The following DNM3 variants were observed in gnomAD, a reference collection of about 807,000 sequenced individuals.
DNM3 encodes dynamin 3.
A neutral mutation model predicts 101.6 loss-of-function variants in DNM3; 47 were observed. The ratio of observed to expected loss-of-function variants is 0.46; its 90% CI spans 0.37 to 0.59. DNM3 has a LOEUF of 0.59. DNM3 is among the 20% of genes least tolerant of loss of function. The probability of loss-of-function intolerance (pLI) is 0.00; values close to 1 mark genes in which losing one functional copy is unlikely to be tolerated. For synonymous variants in DNM3, 385 were observed against 387.9 expected (o/e 0.99, Z 0.09); for missense variants, 849 against 1,085.7 (o/e 0.78, Z 3.06).
chr1:171,852,141 T>G (rs749746351), intron 1 of DNM3, among the ~76,000 whole-genome samples: 1 of 152,232 alleles, frequency 6.6e-6, no homozygotes, highest in African/African-American at 2.4e-5. Context: ...GTACATGTAA[T>G]ACAAATTCAG....
chr1:171,922,449 T>C (rs1488517977), intron 2 of DNM3, among the ~76,000 whole-genome samples: 1 of 152,220 alleles, frequency 6.6e-6, no homozygotes, highest in Non-Finnish European at 1.5e-5. Context: ...TTACTAGTTT[T>C]CCTATCAATT....
chr1:172,234,523 G>T (rs937420070), intron 14 of DNM3, among the ~76,000 whole-genome samples: 9 of 152,064 alleles, frequency 5.9e-5, no homozygotes, highest in African/African-American at 2.2e-4. Flanking sequence ...CACAGAATTG[G>T]AAAAAGCTAC....
intron 7 of DNM3, among the ~76,000 whole-genome samples, chr1:172,039,267 A>G (rs1398231777): frequency 1.3e-5 from 2 of 152,094 alleles, no homozygotes; most frequent in East Asian, 3.9e-4. Flanking sequence ...TCCGAAGATG[A>G]TGTTTGGCAC....
At chr1:172,379,404 C>T (rs1276102483) in intron 18 of DNM3, among the ~76,000 whole-genome samples, 1 of 152,000 alleles carries the variant, frequency 6.6e-6, no homozygotes, top group East Asian at 1.9e-4. Flanking sequence ...TCCCCATTGG[C>T]TGTCTTCTAG....
intron 13 of DNM3, among the ~76,000 whole-genome samples, chr1:172,095,803 T>C (rs1230436320): frequency 6.6e-6 from 1 of 152,252 alleles, no homozygotes; most frequent in African/African-American, 2.4e-5. Context: ...TTGCTTTGTT[T>C]ATGTCTGCCT....
At chr1:172,136,046 C>T (rs2057208597) in intron 14 of DNM3, among the ~76,000 whole-genome samples, 1 of 152,004 alleles carries the variant, frequency 6.6e-6, no homozygotes, top group Admixed American at 6.6e-5. Flanking sequence ...CAGAATAATG[C>T]AACATAGGCG....
At chr1:172,139,090 T>C in intron 14 of DNM3, 1 of 345,396 alleles carries the variant, frequency 2.9e-6, no homozygotes, top group South Asian at 2.2e-5. Flanking sequence ...TTTATACATT[T>C]GTTCCAAATG....
intron 18 of DNM3, among the ~76,000 whole-genome samples, chr1:172,383,269 T>C (rs1230926409): frequency 2.6e-5 from 4 of 152,216 alleles, no homozygotes; most frequent in Non-Finnish European, 5.9e-5. Flanking sequence ...GGGAATCATA[T>C]ACTATACGCC....
At chr1:172,405,544 A>G (rs2070815620) in intron 20 of DNM3, among the ~76,000 whole-genome samples, 1 of 152,092 alleles carries the variant, frequency 6.6e-6, no homozygotes, top group South Asian at 2.1e-4. Context: ...TCACATATTC[A>G]TGAAACGATT....
intron 20 of DNM3, among the ~76,000 whole-genome samples, chr1:172,407,400 A>G (rs550744715): frequency 1.3e-5 from 2 of 152,230 alleles, no homozygotes; most frequent in African/African-American, 4.8e-5. Flanking sequence ...TAAAAATTCA[A>G]AAGCCATCAT....
At chr1:171,970,956 T>C (rs2043948497) in intron 2 of DNM3, among the ~76,000 whole-genome samples, 2 of 152,132 alleles carry the variant, frequency 1.3e-5, no homozygotes, top group Admixed American at 6.5e-5. Context: ...TACCTTTATG[T>C]TGAACATTTA....
chr1:172,024,281 T>TA (rs1221177251), intron 4 of DNM3, among the ~76,000 whole-genome samples: 1 of 152,150 alleles, frequency 6.6e-6, no homozygotes, highest in Non-Finnish European at 1.5e-5. Flanking sequence ...AGAAACCATG[T>TA]AAAAAAACTG....
intron 16 of DNM3, among the ~76,000 whole-genome samples, chr1:172,318,458 C>A (rs1467773961): frequency 6.6e-6 from 1 of 152,214 alleles, no homozygotes; most frequent in Non-Finnish European, 1.5e-5. Flanking sequence ...TCCCTGTTTG[C>A]AGACGACGTG....
chr1:171,955,261 A>T (rs1348570647), intron 2 of DNM3, among the ~76,000 whole-genome samples: 2 of 152,234 alleles, frequency 1.3e-5, no homozygotes, highest in African/African-American at 4.8e-5. Flanking sequence ...GCACCACTGT[A>T]CTTTAGAAAA....
intron 14 of DNM3, among the ~76,000 whole-genome samples, chr1:172,218,566 T>C (rs918654142): frequency 1.3e-5 from 2 of 152,102 alleles, no homozygotes; most frequent in Non-Finnish European, 2.9e-5. Flanking sequence ...CATATTTTAC[T>C]ATAGAAACGT....
intron 4 of DNM3, among the ~76,000 whole-genome samples, chr1:172,002,022 T>A (rs915758148): frequency 1.3e-5 from 2 of 152,046 alleles, no homozygotes; most frequent in South Asian, 4.1e-4. Context: ...ATAAAGAATA[T>A]GTTTATAAAC....
intron 17 of DNM3, among the ~76,000 whole-genome samples, chr1:172,337,696 A>G (rs2066489359): frequency 6.6e-6 from 1 of 152,060 alleles, no homozygotes; most frequent in South Asian, 2.1e-4. Context: ...AGAGACCATG[A>G]GTGTCCACTA....
Position 172,379,044 on chromosome 1 carries a change from A to G in DNM3, c.1920A>G (p.Ala640=). ...CTGAAAATGATGAGAATGGACAAGC[A>G]GAAAACTTTTCCATGGACCCACAAT... ...NKAENDENGQ[A]ENFSMDPQLE... The change falls in exon 18 of 21, where the codon GCA becomes GCG. Residue 640 remains alanine (A), a synonymous_variant. Coordinates refer to ENST00000627582, the MANE Select transcript of DNM3 (RefSeq NM_015569.5). 1 of 1,612,308 alleles carries G rather than the reference A, an allele frequency of 6.2e-7. No homozygotes were observed. Among genetic ancestry groups the G allele is most frequent in the East Asian group, 2.2e-5 (1 of 44,822 alleles).
rs189562300 is a variant in DNM3 at position 171,972,718 on chromosome 1, G to A, written c.236-14938G>A. Among the ~76,000 whole-genome samples, 177 of 152,230 alleles carry A rather than the reference G, an allele frequency of 1.2e-3. 1 individual carries two copies. Among genetic ancestry groups the A allele is most frequent in the African/African-American group, 4.1e-3 (171 of 41,540 alleles). On this transcript the variant is annotated intron_variant, in intron 2 of 20. Coordinates refer to ENST00000627582, the MANE Select transcript of DNM3 (RefSeq NM_015569.5). ...TACAAAATCAGCCGGGCGTGGTGGC[G>A]CATGCCTCTAATTCCAGCTACTTGG...
Sources: allele counts gnomAD v4.1 joint callset (sites outside exome capture counted in the v4.1 genomes callset), GRCh38; gene constraint gnomAD v4.1.1; transcripts MANE v1.5; gene names NCBI Gene and HGNC (gene_info 2026-07-23, HGNC 2026-07-21).